BCKDHB: variants seen among roughly 807,000 people sequenced by gnomAD.
The protein encoded by BCKDHB is branched chain keto acid dehydrogenase E1 subunit beta.
In BCKDHB, 41 loss-of-function variants were observed where a neutral mutation model predicts 48.5. The ratio of observed to expected loss-of-function variants is 0.85; its 90% CI spans 0.66 to 1.10. The LOEUF (loss-of-function observed/expected upper bound fraction) is 1.10. Ranked by LOEUF, BCKDHB falls within the 50% of genes least tolerant of loss-of-function variation. The probability of loss-of-function intolerance (pLI) is 0.00; values close to 1 mark genes in which losing one functional copy is unlikely to be tolerated. For missense variants in BCKDHB, 496 were observed against 494.2 expected, an observed-to-expected ratio of 1.00 and a Z score of -0.03; for synonymous variants, 201 against 174.8, an observed-to-expected ratio of 1.15 and a Z score of -1.18.
chr6:80,455,131 T>A, the BCKDHB span, among the ~76,000 whole-genome samples: 1 of 152,262 alleles, frequency 6.6e-6, no homozygotes, highest in East Asian at 1.9e-4. Context: ...CTCCCATGAG[T>A]AATATCCTTA....
the BCKDHB span, among the ~76,000 whole-genome samples, chr6:80,368,990 G>T: frequency 6.8e-6 from 1 of 146,228 alleles, no homozygotes; most frequent in African/African-American, 2.6e-5. Context: ...TCCAGCTTGG[G>T]TGACAGAGTG....
At chr6:80,126,884 T>C (rs1770370285) in intron 1 of BCKDHB, among the ~76,000 whole-genome samples, 1 of 152,176 alleles carries the variant, frequency 6.6e-6, no homozygotes, top group African/African-American at 2.4e-5. Context: ...GAATAGCTAA[T>C]ATTTATTCAG....
the BCKDHB span, among the ~76,000 whole-genome samples, chr6:80,412,888 G>T: frequency 6.6e-6 from 1 of 152,136 alleles, no homozygotes; most frequent in Non-Finnish European, 1.5e-5. Context: ...TCTTATGAAG[G>T]TTCCCTTGAA....
At chr6:80,185,810 G>T (rs1773615318) in intron 6 of BCKDHB, among the ~76,000 whole-genome samples, 1 of 152,174 alleles carries the variant, frequency 6.6e-6, no homozygotes, top group Non-Finnish European at 1.5e-5. Flanking sequence ...GCCAGCACCT[G>T]CTCCAGTATA....
Position 80,167,788 on chromosome 6 carries a change from T to G in BCKDHB, c.454T>G (p.Tyr152Asp), listed in dbSNP as rs2127773518. The G allele has an allele frequency of 1.1e-5, 18 of 1,613,946 alleles. No homozygotes were observed. Among genetic ancestry groups the G allele is most frequent in the Non-Finnish European group, 1.5e-5 (18 of 1,179,886 alleles). ...TAIAEIQFAD[Y>D]IFPAFDQIVN... is the part of the protein sequence containing the mutation. ...CATTGCGGAAATTCAGTTTGCAGAT[T>G]ATATTTTCCCTGCATTTGATCAGGT... is the stretch of plus-strand genomic sequence containing the variant. Residue 152 changes from tyrosine to aspartate, a missense_variant, in exon 4 of 10, where the codon TAT becomes GAT. Transcript: ENST00000320393.
chr6:80,214,838 CTCT>C (rs1562143483), intron 8 of BCKDHB, among the ~76,000 whole-genome samples: 1 of 152,146 alleles, frequency 6.6e-6, no homozygotes, highest in Non-Finnish European at 1.5e-5. Context: ...ATTATTTTCT[CTCT>C]TCTTTTTCTC....
rs573680630 is a variant in BCKDHB, at chr6:80,125,955, A to G, written c.197-1592A>G. Among the ~76,000 whole-genome samples the G allele has an allele frequency of 3.9e-5, 6 of 152,324 alleles. No individual in the cohort carries two copies. The South Asian group carries it at 6.2e-4, about 16-fold the overall frequency. ...AAAGTTTCCATTTGTAAAAATTGCA[A>G]TATCTGTAGGGCAAAATAAAGTGAA... On this transcript the variant is annotated intron_variant, in intron 1 of 9. Transcript: ENST00000320393.
intron 6 of BCKDHB, among the ~76,000 whole-genome samples, chr6:80,198,913 G>A (rs1249214876): frequency 2.0e-5 from 3 of 152,106 alleles, no homozygotes; most frequent in Non-Finnish European, 4.4e-5. Flanking sequence ...CATATATCTA[G>A]AAGCAATACC....
chr6:80,119,224 C>CA (rs1251058830), intron 1 of BCKDHB, among the ~76,000 whole-genome samples: 3 of 150,976 alleles, frequency 2.0e-5, no homozygotes, highest in Non-Finnish European at 4.4e-5. Context: ...GTGGAGGTTG[C>CA]AAAAAAAATA....
intron 3 of BCKDHB, among the ~76,000 whole-genome samples, chr6:80,133,986 A>G (rs1770758824): frequency 6.6e-6 from 1 of 152,168 alleles, no homozygotes; most frequent in Non-Finnish European, 1.5e-5. Flanking sequence ...CAGATTCCTC[A>G]TGGCATATAA....
intron 3 of BCKDHB, among the ~76,000 whole-genome samples, chr6:80,151,672 G>A (rs1002794217): frequency 2.6e-5 from 4 of 152,084 alleles, no homozygotes; most frequent in Non-Finnish European, 5.9e-5. Flanking sequence ...TTCATTTAAT[G>A]TCAACCTTCT....
the BCKDHB span, among the ~76,000 whole-genome samples, chr6:80,429,111 C>T: frequency 6.6e-6 from 1 of 152,204 alleles, no homozygotes; most frequent in African/African-American, 2.4e-5. Context: ...TTACCCAACA[C>T]CACTTATTAA....
At chr6:80,168,846 C>T (rs1262793444) in intron 4 of BCKDHB, 29 bp from the exon 5 acceptor site, 3 of 1,611,760 alleles carry the variant, frequency 1.9e-6, no homozygotes, top group Non-Finnish European at 1.7e-6. Context: ...CTCATTGTGC[C>T]ATGCCCCGTC....
At chr6:80,261,339 G>A (rs1351925540) in intron 8 of BCKDHB, among the ~76,000 whole-genome samples, 1 of 152,090 alleles carries the variant, frequency 6.6e-6, no homozygotes, top group Non-Finnish European at 1.5e-5. Context: ...GTCCTTGGCT[G>A]TCAGAAGGGA....
At chr6:80,439,340 T>C in the BCKDHB span, among the ~76,000 whole-genome samples, 1 of 152,180 alleles carries the variant, frequency 6.6e-6, no homozygotes, top group Non-Finnish European at 1.5e-5. Flanking sequence ...AAGATGGCAT[T>C]TCATAAAGGC....
At chr6:80,158,326 G>A (rs145074851) in intron 3 of BCKDHB, among the ~76,000 whole-genome samples, 2 of 152,170 alleles carry the variant, frequency 1.3e-5, no homozygotes, top group Admixed American at 1.3e-4. Context: ...TAGCCATTAC[G>A]ATGACCCAGA....
intron 8 of BCKDHB, among the ~76,000 whole-genome samples, chr6:80,225,624 A>G (rs1264447040): frequency 6.6e-6 from 1 of 152,178 alleles, no homozygotes; most frequent in African/African-American, 2.4e-5. Flanking sequence ...AGTACTTTGT[A>G]TCTGTGAAAG....
chr6:80,437,546 C>G, the BCKDHB span, among the ~76,000 whole-genome samples: 38,180 of 152,092 alleles, frequency 0.25, 6,107 homozygotes, highest in East Asian at 0.57. Context: ...TTCATTATTC[C>G]CAAGTTTAGC....
intron 8 of BCKDHB, among the ~76,000 whole-genome samples, chr6:80,268,194 A>G (rs544970671): frequency 5.8e-4 from 88 of 152,278 alleles, no homozygotes; most frequent in African/African-American, 2.1e-3. Context: ...CTAACTTGTT[A>G]CATGCACTTG....
Sources: allele counts gnomAD v4.1 joint callset (sites outside exome capture counted in the v4.1 genomes callset), GRCh38; gene constraint gnomAD v4.1.1; transcripts MANE v1.5; gene names NCBI Gene and HGNC (gene_info 2026-07-23, HGNC 2026-07-21).